The following NFYB variants were observed in gnomAD, a reference collection of about 807,000 sequenced individuals.
NFYB encodes the protein nuclear transcription factor Y subunit beta.
NFYB carries 13 observed loss-of-function variants against 28.0 expected under a neutral mutation model. That is an observed-to-expected ratio of 0.46 (90% confidence interval 0.30 to 0.74). The LOEUF (loss-of-function observed/expected upper bound fraction) is 0.74. Among genes scored for constraint, NFYB ranks in the 30% least tolerant of loss-of-function variants. NFYB has a pLI of 0.07. For missense variants in NFYB, 142 were observed against 247.6 expected (o/e 0.57, Z 2.86); for synonymous variants, 74 against 75.0 (o/e 0.99, Z 0.07).
chr12:104,136,762 C>A (rs1259064225), intron 1 of NFYB, among the ~76,000 whole-genome samples: 1 of 152,154 alleles, frequency 6.6e-6, no homozygotes, highest in African/African-American at 2.4e-5. Flanking sequence ...ACTGTCACCT[C>A]ATATGGTGTA....
At chr12:104,121,114 T>A in intron 6 of NFYB, 126 bp downstream of exon 6, 1 of 738,572 alleles carries the variant, frequency 1.4e-6, no homozygotes, top group Non-Finnish European at 2.3e-6. Flanking sequence ...GGGCATGAAC[T>A]GATAAGAACT....
At chr12:104,135,083 C>T (rs981551351) in intron 2 of NFYB, among the ~76,000 whole-genome samples, 1 of 152,220 alleles carries the variant, frequency 6.6e-6, no homozygotes, top group Non-Finnish European at 1.5e-5. Flanking sequence ...CCCTCTGTGA[C>T]ATTCCCAAGT....
intron 2 of NFYB, among the ~76,000 whole-genome samples, chr12:104,134,956 T>G (rs991247231): frequency 2.0e-5 from 3 of 152,156 alleles, no homozygotes; most frequent in African/African-American, 7.2e-5. Flanking sequence ...GCACCTCTAC[T>G]CCCGATCCCC....
chr12:104,137,538 C>G (rs2031152652), intron 1 of NFYB: 2 of 152,216 alleles, frequency 1.3e-5, no homozygotes, highest in Non-Finnish European at 2.9e-5. Context: ...CTGCGAGTGC[C>G]AGGAGGCCGC....
At chr12:104,120,689 A>C (rs1004640700) in intron 6 of NFYB, among the ~76,000 whole-genome samples, 1 of 152,156 alleles carries the variant, frequency 6.6e-6, no homozygotes, top group Non-Finnish European at 1.5e-5. Flanking sequence ...CAATTTTCCT[A>C]TCTCTAACAT....
intron 1 of NFYB, among the ~76,000 whole-genome samples, chr12:104,136,698 T>C (rs984427837): frequency 1.3e-5 from 2 of 152,250 alleles, no homozygotes; most frequent in African/African-American, 4.8e-5. Flanking sequence ...CCACACTCAC[T>C]CACCCAAATA....
chr12:104,121,762 A>AAAT (rs2030485740), intron 5 of NFYB, among the ~76,000 whole-genome samples: 2 of 152,190 alleles, frequency 1.3e-5, no homozygotes, highest in African/African-American at 4.8e-5. Context: ...TAATTTGGCC[A>AAAT]AATACTTCTA....
At chr12:104,128,636 T>C in intron 2 of NFYB, 119 bp from the exon 3 acceptor site, 1 of 556,210 alleles carries the variant, frequency 1.8e-6, no homozygotes, top group Middle Eastern at 4.3e-4. Flanking sequence ...GCCTTAAGCT[T>C]ACTAAAAGAG....
At chr12:104,133,710 T>A (rs957419654) in intron 2 of NFYB, among the ~76,000 whole-genome samples, 1 of 152,210 alleles carries the variant, frequency 6.6e-6, no homozygotes, top group Non-Finnish European at 1.5e-5. Context: ...TTTACCCTTT[T>A]ACCTGTTTTC....
At chr12:104,127,779 C>T (rs2030776894) in intron 3 of NFYB, among the ~76,000 whole-genome samples, 1 of 148,416 alleles carries the variant, frequency 6.7e-6, no homozygotes, top group Non-Finnish European at 1.5e-5. Context: ...CAGATTCAAG[C>T]AATCCTCCCA....
chr12:104,135,498 T>A lies in NFYB; in HGVS notation c.-45A>T. ...GTTGTCAGTGGTGCTGAAGAACACC[T>A]ATCTAAAAAGGTGTCTAATCTTTGT... On this transcript the variant is annotated 5_prime_UTR_variant, in exon 2 of 8. Transcript: ENST00000240055. 1 of 1,547,724 alleles carries A rather than the reference T, an allele frequency of 6.5e-7. No individual in the cohort carries two copies. The highest frequency in any genetic ancestry group is 8.7e-7 in the Non-Finnish European group (1 of 1,148,866).
At chr12:104,124,976 A>G (rs1355016357) in intron 4 of NFYB, among the ~76,000 whole-genome samples, 1 of 152,214 alleles carries the variant, frequency 6.6e-6, no homozygotes, top group Non-Finnish European at 1.5e-5. Flanking sequence ...TGACAGAAAA[A>G]TTACCAATAG....
chr12:104,117,233 G>C lies in NFYB; in HGVS notation c.*2504C>G, dbSNP rs1374857126. The C allele has an allele frequency of 6.6e-6, 1 of 152,138 alleles. No individual in the cohort carries two copies. Among genetic ancestry groups the C allele is most frequent in the East Asian group, 1.9e-4 (1 of 5,196 alleles). The allele number at this position is 152,138 out of a possible 1,614,324, so 9.4% of individuals were successfully genotyped here. ...TGACAAGCATAAATTAGGATATTAT[G>C]CACCTGACACATTCAGAATGTCCAT... On this transcript the variant is annotated 3_prime_UTR_variant, in exon 8 of 8. Transcript: ENST00000240055.
intron 5 of NFYB, among the ~76,000 whole-genome samples, chr12:104,122,930 T>A (rs1307393734): frequency 6.6e-6 from 1 of 151,700 alleles, no homozygotes; most frequent in East Asian, 1.9e-4. Flanking sequence ...ATCCCAGCAC[T>A]TTGGGAGGCC....
chr12:104,136,104 G>A (rs554396612), intron 1 of NFYB, among the ~76,000 whole-genome samples: 1 of 152,114 alleles, frequency 6.6e-6, no homozygotes, highest in Non-Finnish European at 1.5e-5. Context: ...TATCAAAAAA[G>A]CAACACAATC....
At chr12:104,128,614 A>G (rs2030812023) in intron 2 of NFYB, 97 bp from the exon 3 acceptor site, 3 of 703,742 alleles carry the variant, frequency 4.3e-6, no homozygotes, top group South Asian at 3.7e-5. Context: ...TGCATCAATT[A>G]TACTTTTCAT....
intron 5 of NFYB, 142 bp downstream of exon 5, chr12:104,123,084 G>A: frequency 3.2e-6 from 2 of 625,086 alleles, no homozygotes. Flanking sequence ...GCTGAGGCAG[G>A]AGAGTTGCTT....
intron 2 of NFYB, among the ~76,000 whole-genome samples, chr12:104,132,322 C>T (rs958159315): frequency 4.0e-5 from 6 of 151,726 alleles, no homozygotes; most frequent in South Asian, 4.2e-4. Context: ...GATTGGAAGG[C>T]GCTAAGGAGG....
In NFYB at chr12:104,118,791, C is replaced by G. The variant is rs1469131131; in HGVS notation, c.*946G>C. The G allele has an allele frequency of 6.6e-6, 1 of 152,092 alleles. No individual in the cohort carries two copies. The highest frequency in any genetic ancestry group is 1.5e-5 in the Non-Finnish European group (1 of 68,002). The allele number at this position is 152,092 out of a possible 1,614,324, so 9.4% of individuals were successfully genotyped here. ...AAAAGGTCTGTACACGCAATGATGT[C>G]TGATGTTTCTTGGTTTCCATAGTGT... On this transcript the variant is annotated 3_prime_UTR_variant, in exon 8 of 8. Coordinates refer to ENST00000240055, the MANE Select transcript of NFYB (RefSeq NM_006166.4).
Sources: gnomAD v4.1 joint callset for allele counts (sites outside exome capture counted in the v4.1 genomes callset) on GRCh38, gnomAD v4.1.1 for gene constraint, MANE v1.5 for transcripts, NCBI Gene and HGNC (gene_info 2026-07-23, HGNC 2026-07-21) for gene names.